Variants in ZNF582 observed in about 807,000 individuals in gnomAD.
The protein encoded by ZNF582 is zinc finger protein 582.
Under a neutral mutation model 12.3 loss-of-function variants are expected in ZNF582, and 14 were observed. The observed-to-expected ratio is 1.14, with a 90% CI of 0.75 to 1.78. The LOEUF is 1.78. Ranked by LOEUF, ZNF582 falls within the 40% of genes most tolerant of loss-of-function variation. The pLI is 0.00. For missense variants in ZNF582, 567 were observed against 616.5 expected (o/e 0.92, Z 0.85); for synonymous variants, 210 against 207.2 (o/e 1.01, Z -0.11).
intron 2 of ZNF582, among the ~76,000 whole-genome samples, chr19:56,390,943 T>C (rs2042009551): frequency 6.6e-6 from 1 of 152,250 alleles, no homozygotes; most frequent in Non-Finnish European, 1.5e-5. Flanking sequence ...TTTTCTATCT[T>C]AGATACAGGA....
chr19:56,387,549 T>C (rs1321029988), intron 4 of ZNF582: 1 of 152,182 alleles, frequency 6.6e-6, no homozygotes, highest in Non-Finnish European at 1.5e-5. Context: ...AAAAAAAAAC[T>C]ATATACAAAC....
At chr19:56,388,701 CGG>C (rs1568786654) in intron 4 of ZNF582, among the ~76,000 whole-genome samples, 3 of 152,080 alleles carry the variant, frequency 2.0e-5, no homozygotes, top group African/African-American at 7.2e-5. Context: ...GGTTCGATCT[CGG>C]ATCACTGCAA....
At chr19:56,388,915 C>G (rs539044901) in intron 4 of ZNF582, among the ~76,000 whole-genome samples, 1 of 152,304 alleles carries the variant, frequency 6.6e-6, no homozygotes, top group South Asian at 2.1e-4. Flanking sequence ...CCATGCCCGG[C>G]CCCTAGTGTA....
chr19:56,382,845 G>T (rs2041929021), exon 5 of ZNF582: 1 of 152,036 alleles, frequency 6.6e-6, no homozygotes, highest in African/African-American at 2.4e-5. Context: ...TCAGGCTCTG[G>T]GTCAGCTTCT....
Position 56,391,708 on chromosome 19 carries a change from A to G in ZNF582, c.9+36T>C, listed in dbSNP as rs73937255. On this transcript the variant is annotated intron_variant, in intron 2 of 4. Transcript: ENST00000586929. Reference sequence around the variant, plus strand: ...GAACCCAGGTGGAAAGTTTCAAGATAAGGAAAGCAAATATTTATGGGATTT... The same window carrying G: ...GAACCCAGGTGGAAAGTTTCAAGATGAGGAAAGCAAATATTTATGGGATTT... The G allele has an allele frequency of 2.6e-3, 4,070 of 1,594,290 alleles. 85 individuals are homozygous for G. The African/African-American group carries it at 0.048, about 19-fold the overall frequency.
At chr19:56,385,097 C>T (rs1386117109) in exon 5 of ZNF582, 2 of 1,614,024 alleles carry the variant, frequency 1.2e-6, no homozygotes, top group Admixed American at 3.3e-5. Context: ...ACTTGTAAGG[C>T]TTTCCATTAT....
At chr19:56,387,042 TCTGGCTAAGGATGTTGCTATA>T (rs1475638263) in intron 4 of ZNF582, among the ~76,000 whole-genome samples, 1 of 152,240 alleles carries the variant, frequency 6.6e-6, no homozygotes, top group African/African-American at 2.4e-5. Flanking sequence ...TGTTGAGACT[TCTGGCTAAGGATGTTGCTATA>T]CTGGTATATA....
At chr19:56,384,534 T>A (rs2041947402) in exon 5 of ZNF582, 2 of 1,613,678 alleles carry the variant, frequency 1.2e-6, no homozygotes, top group African/African-American at 1.3e-5. Context: ...AGATGTGAGA[T>A]CCGATTGAAG....
At chr19:56,385,019 C>A in exon 5 of ZNF582, 1 of 1,614,058 alleles carries the variant, frequency 6.2e-7, no homozygotes, top group Non-Finnish European at 8.5e-7. Flanking sequence ...GTCTGGATTT[C>A]CCTGTTGTCT....
intron 4 of ZNF582, 107 bp from the exon 5 acceptor site, chr19:56,385,291 G>T: frequency 1.7e-6 from 2 of 1,143,972 alleles, no homozygotes; most frequent in Non-Finnish European, 2.4e-6. Flanking sequence ...ACTCTTGAAT[G>T]TAGCTAAGCA....
At chr19:56,387,225 T>TAA (rs2041974479) in intron 4 of ZNF582, among the ~76,000 whole-genome samples, 1 of 152,214 alleles carries the variant, frequency 6.6e-6, no homozygotes, top group Non-Finnish European at 1.5e-5. Context: ...AATTCTATGT[T>TAA]ACGTATTTCT....
At chr19:56,384,474 C>T (rs2147504965) in exon 5 of ZNF582, 1 of 1,604,238 alleles carries the variant, frequency 6.2e-7, no homozygotes, top group Middle Eastern at 1.7e-4. Flanking sequence ...TTCCCACATT[C>T]CTTGCATGCA....
chr19:56,383,884 A>G lies in ZNF582; in HGVS notation c.1533T>C (p.Asn511=), dbSNP rs181687862. 207 of 1,585,006 alleles carry G rather than the reference A, an allele frequency of 1.3e-4. 3 individuals carry two copies. In the East Asian group the frequency reaches 4.2e-3, roughly 32 times the overall value. ...TAGCCTAGGCTAATGGGCTTTCCCC[A>G]TTACTTCCATTCATATGGTTGCTTG... is the stretch of plus-strand genomic sequence containing the variant. The change falls in exon 5 of 5, where the codon AAT becomes AAC. Residue 511 remains asparagine, a synonymous_variant. Transcript: ENST00000586929.
At chr19:56,383,552 C>CT (rs1319624451) in exon 5 of ZNF582, 2 of 213,696 alleles carry the variant, frequency 9.4e-6, no homozygotes, top group Non-Finnish European at 1.8e-5. Flanking sequence ...TGCATGATTT[C>CT]TTTGTTAAGC....
At chr19:56,392,984 G>A (rs1189706417) in intron 1 of ZNF582, among the ~76,000 whole-genome samples, 1 of 152,260 alleles carries the variant, frequency 6.6e-6, no homozygotes, top group East Asian at 1.9e-4. Flanking sequence ...TACAAAGGAT[G>A]GCCTGTGATC....
In ZNF582 at chr19:56,388,155, A is replaced by G. The variant is rs1373897043; in HGVS notation, c.232+1846T>C. 2.0e-5 allele frequency: 3 copies of G among 151,868 alleles called. No individual in the cohort carries two copies. The East Asian group carries it at 5.8e-4, about 29-fold the overall frequency. 9.4% of individuals were successfully genotyped at this position (151,868 alleles called of 1,614,324 possible). A position where few individuals can be genotyped will look rare whatever the true frequency, so the allele number is the denominator to read the frequency against. ...CTTATAAAAAAAGGGGGGGGGGATT[A>G]TGTCCAAAGAACCCAGGAGCCAGTT... On this transcript the variant is annotated intron_variant, in intron 4 of 4. Coordinates refer to ENST00000586929, the Ensembl canonical transcript of ZNF582.
chr19:56,393,506 A>C (rs2042036561), exon 1 of ZNF582: 1 of 502,526 alleles, frequency 2.0e-6, no homozygotes, highest in Non-Finnish European at 4.0e-6. Context: ...GCGCGCTTCC[A>C]CCACGGTACC....
chr19:56,393,141 A>T (rs2042031082), intron 1 of ZNF582, 79 bp downstream of exon 1: 12 of 284,732 alleles, frequency 4.2e-5, no homozygotes, highest in Non-Finnish European at 5.0e-5. Context: ...CTCTCAGATT[A>T]AAAAAAAAAA....
intron 2 of ZNF582, 23 bp downstream of exon 2, chr19:56,391,721 A>G (rs1375981865): frequency 6.2e-7 from 1 of 1,607,276 alleles, no homozygotes. Context: ...GAAAGCAAAT[A>G]TTTATGGGAT....
Sources: gnomAD v4.1 joint callset for allele counts (sites outside exome capture counted in the v4.1 genomes callset) on GRCh38, gnomAD v4.1.1 for gene constraint, MANE v1.5 for transcripts, NCBI Gene and HGNC (gene_info 2026-07-23, HGNC 2026-07-21) for gene names.